FAM151B: variants seen among roughly 807,000 people sequenced by gnomAD.
FAM151B encodes family with sequence similarity 151 member B.
A neutral mutation model predicts 31.2 loss-of-function variants in FAM151B; 24 were observed. The ratio of observed to expected loss-of-function variants is 0.77; its 90% confidence interval spans 0.56 to 1.08. The LOEUF is 1.08. FAM151B is among the 50% of genes least tolerant of loss of function. FAM151B has a pLI of 0.00. For synonymous variants in FAM151B, 105 were observed against 111.4 expected (o/e 0.94, Z 0.36); for missense variants, 293 against 328.6 (o/e 0.89, Z 0.84).
chr5:80,529,551 C>G lies in FAM151B; in HGVS notation c.671+7413C>G, dbSNP rs146818509. Among the ~76,000 whole-genome samples, 89 of 152,038 alleles carry G rather than the reference C, an allele frequency of 5.9e-4. 2 individuals carry two copies. The East Asian group carries it at 0.014, about 24-fold the overall frequency. On this transcript the variant is annotated intron_variant, in intron 5 of 5. Coordinates refer to ENST00000282226, the MANE Select transcript of FAM151B (RefSeq NM_205548.3). ...ATAGACGCAATAAAAAATGATAAAG[C>G]GGATATCACCACTGATCCCACAGAA... is the stretch of plus-strand genomic sequence containing the variant.
intron 3 of FAM151B, among the ~76,000 whole-genome samples, chr5:80,518,479 G>A (rs1053259742): frequency 2.0e-5 from 3 of 152,184 alleles, no homozygotes; most frequent in Admixed American, 6.6e-5. Context: ...TTAACATGGT[G>A]TTGACACAGG....
chr5:80,538,448 C>CTCTCTCTCTCTTTCTT (rs1745661425), intron 5 of FAM151B, among the ~76,000 whole-genome samples: 2 of 49,348 alleles, frequency 4.1e-5, no homozygotes, highest in South Asian at 1.6e-3. Context: ...TTCTTTCTTT[C>CTCTCTCTCTCTTTCTT]TCTTTCTTTC....
chr5:80,502,491 T>C (rs1043537696), intron 2 of FAM151B, among the ~76,000 whole-genome samples: 3 of 152,194 alleles, frequency 2.0e-5, no homozygotes, highest in South Asian at 2.1e-4. Flanking sequence ...TAATAAATAA[T>C]TGGGCAATAT....
intron 5 of FAM151B, among the ~76,000 whole-genome samples, chr5:80,540,101 C>T (rs1444254354): frequency 6.6e-6 from 1 of 152,128 alleles, no homozygotes; most frequent in Non-Finnish European, 1.5e-5. Flanking sequence ...GTCCACAGAC[C>T]CCATTCAGAT....
intron 5 of FAM151B, among the ~76,000 whole-genome samples, chr5:80,538,436 CTTTCTTTCTTTCTCTT>C (rs1450713109): frequency 1.1e-3 from 67 of 59,678 alleles, no homozygotes; most frequent in African/African-American, 1.9e-3. Context: ...TTCTTTCTTT[CTTTCTTTCTTTCTCTT>C]TCTTTCTTTC....
chr5:80,524,888 G>C (rs969975095), intron 5 of FAM151B, among the ~76,000 whole-genome samples: 4 of 152,120 alleles, frequency 2.6e-5, no homozygotes, highest in Non-Finnish European at 5.9e-5. Context: ...TGCTTATCTT[G>C]ATCATCCACA....
rs780535078 is a variant in FAM151B, at chr5:80,513,673, T to G, written c.221T>G (p.Met74Arg). The change falls in exon 3 of 6, where the codon ATG (methionine) becomes AGG (arginine). Residue 74 changes from methionine to arginine, a missense_variant. Met to Arg is a moderately conservative substitution (Grantham distance 91). Transcript: ENST00000282226. Reference protein sequence around the residue: ...SDGSEHSQPIMAHPPETNSDN... With the variant: ...SDGSEHSQPIRAHPPETNSDN... ...GGATCAGAACACAGCCAGCCAATTATGGCCCATCCCCCTGAAACAAACAGT... is the reference window on the plus strand; with the variant it reads ...GGATCAGAACACAGCCAGCCAATTAGGGCCCATCCCCCTGAAACAAACAGT... 6.2e-7 allele frequency: 1 copy of G among 1,614,168 alleles called. No individual in the cohort carries two copies.
intron 5 of FAM151B, among the ~76,000 whole-genome samples, chr5:80,524,919 ATG>A (rs1281049487): frequency 2.0e-5 from 3 of 152,186 alleles, no homozygotes; most frequent in Non-Finnish European, 4.4e-5. Flanking sequence ...ATTTAAAATA[ATG>A]CCCAGCACAT....
chr5:80,519,454 A>T (rs1196153349), intron 3 of FAM151B, among the ~76,000 whole-genome samples: 1 of 152,188 alleles, frequency 6.6e-6, no homozygotes, highest in African/African-American at 2.4e-5. Flanking sequence ...TAGTACCACT[A>T]TTCATATATT....
intron 5 of FAM151B, among the ~76,000 whole-genome samples, chr5:80,524,502 G>A (rs1336481129): frequency 6.6e-6 from 1 of 151,756 alleles, no homozygotes; most frequent in Non-Finnish European, 1.5e-5. Context: ...TCATTTTACT[G>A]GTTTTGAGAA....
chr5:80,506,917 G>T (rs1052113312), intron 2 of FAM151B, among the ~76,000 whole-genome samples: 5 of 151,678 alleles, frequency 3.3e-5, no homozygotes, highest in African/African-American at 1.2e-4. Flanking sequence ...TTGGGAGGTC[G>T]AGACCAGCCT....
At chr5:80,514,368 G>A (rs1056695561) in intron 3 of FAM151B, among the ~76,000 whole-genome samples, 3 of 151,736 alleles carry the variant, frequency 2.0e-5, no homozygotes, top group Non-Finnish European at 4.4e-5. Flanking sequence ...ACAGCTACTG[G>A]GGAGGCTGAG....
chr5:80,492,209 A>C (rs1323211202), intron 1 of FAM151B, among the ~76,000 whole-genome samples: 1 of 151,928 alleles, frequency 6.6e-6, no homozygotes, highest in East Asian at 1.9e-4. Context: ...GTTTGTAGCA[A>C]CCTTGTATTG....
chr5:80,508,355 T>C (rs1744058547), intron 2 of FAM151B, among the ~76,000 whole-genome samples: 2 of 152,218 alleles, frequency 1.3e-5, no homozygotes, highest in Non-Finnish European at 2.9e-5. Flanking sequence ...GCCAAACTTT[T>C]CCAAAGTGCC....
At chr5:80,502,279 T>C (rs11951382) in intron 2 of FAM151B, among the ~76,000 whole-genome samples, 9,328 of 152,194 alleles carry the variant, frequency 0.061, 555 homozygotes, top group African/African-American at 0.15. Flanking sequence ...TCTTATTTTC[T>C]AGAAGCAATT....
chr5:80,518,026 C>T lies in FAM151B; in HGVS notation c.318-1667C>T, dbSNP rs181175705. ...TGCAGAGGTTACGGTGAGCAGAGAT[C>T]GCACCGTTGCACTCCAGCCTGGGTG... On this transcript the variant is annotated intron_variant, in intron 3 of 5. Transcript: ENST00000282226. Among the ~76,000 whole-genome samples the T allele has an allele frequency of 3.0e-3, 445 of 148,552 alleles. 5 individuals are homozygous for T. Among genetic ancestry groups the T allele is most frequent in the Non-Finnish European group, 4.3e-3 (292 of 67,578 alleles).
intron 5 of FAM151B, among the ~76,000 whole-genome samples, chr5:80,529,771 A>G (rs1485928526): frequency 2.0e-5 from 3 of 152,364 alleles, no homozygotes; most frequent in Admixed American, 6.5e-5. Context: ...AAAAAAGTCC[A>G]GGACGAGACG....
Position 80,513,698 on chromosome 5 carries a change from T to C in FAM151B, c.246T>C (p.Ser82=), listed in dbSNP as rs1442570381. The C allele has an allele frequency of 6.2e-7, 1 of 1,614,016 alleles. No individual in the cohort carries two copies. Among genetic ancestry groups the C allele is most frequent in the Middle Eastern group, 1.6e-4 (1 of 6,062 alleles). The change falls in exon 3 of 6, where the codon AGT becomes AGC. Residue 82 remains serine, a synonymous_variant. Coordinates refer to ENST00000282226, the MANE Select transcript of FAM151B (RefSeq NM_205548.3). ...PIMAHPPETN[S]DNTLQEWLTE... Reference sequence around the variant, plus strand: ...TGGCCCATCCCCCTGAAACAAACAGTGATAATACTCTACAGGAGTGGCTGA... The same window carrying C: ...TGGCCCATCCCCCTGAAACAAACAGCGATAATACTCTACAGGAGTGGCTGA...
chr5:80,504,754 C>T (rs1054620916), intron 2 of FAM151B, among the ~76,000 whole-genome samples: 7 of 152,002 alleles, frequency 4.6e-5, no homozygotes, highest in Admixed American at 2.0e-4. Flanking sequence ...TCCTGATCTC[C>T]TGATCTGCCC....
Sources: allele counts gnomAD v4.1 joint callset (sites outside exome capture counted in the v4.1 genomes callset), GRCh38; gene constraint gnomAD v4.1.1; transcripts MANE v1.5; gene names NCBI Gene and HGNC (gene_info 2026-07-23, HGNC 2026-07-21).